Variants in SLC25A48 observed in about 807,000 individuals in gnomAD.
The protein encoded by SLC25A48 is solute carrier family 25 member 48, also known as CTC-321K16.1.
A neutral mutation model predicts 32.2 loss-of-function variants in SLC25A48; 29 were observed. That is an observed-to-expected ratio of 0.90 (90% CI 0.67 to 1.23). The LOEUF is 1.23. SLC25A48 is among the 50% of genes most tolerant of loss of function. The pLI is 0.00. For synonymous variants in SLC25A48, 164 were observed against 172.3 expected (o/e 0.95, Z 0.38); for missense variants, 399 against 422.7 (o/e 0.94, Z 0.49).
At chr5:135,704,145 A>G (rs1754455651) in intron 3 of SLC25A48, among the ~76,000 whole-genome samples, 1 of 152,224 alleles carries the variant, frequency 6.6e-6, no homozygotes, top group Non-Finnish European at 1.5e-5. Flanking sequence ...TGGGCGGCAG[A>G]GGCTCAGCGG....
In SLC25A48 at chr5:135,629,331, G is replaced by A. The variant is rs1320997375; in HGVS notation, c.-754G>A. 6.6e-6 allele frequency: 1 copy of A among 152,282 alleles called. No individual in the cohort carries two copies. The highest frequency in any genetic ancestry group is 1.5e-5 in the Non-Finnish European group (1 of 68,078). The allele number at this position is 152,282 out of a possible 1,614,324, so 9.4% of individuals were successfully genotyped here. On this transcript the variant is annotated 5_prime_UTR_variant, in exon 2 of 11. Transcript: ENST00000646290. The surrounding 1 kb of genome is among the most constrained non-coding windows in gnomAD (Gnocchi z 4.8). The stretch of plus-strand genomic sequence containing the variant: ...GGTTGGGAATGCAGAAAACAGGCAT[G>A]GAATGCCAGGAACGCAGCACCTGTG...
intron 3 of SLC25A48, among the ~76,000 whole-genome samples, chr5:135,772,864 T>G (rs7380182): frequency 0.15 from 22,132 of 151,386 alleles, 1,852 homozygotes; most frequent in South Asian, 0.2. Flanking sequence ...ATAATATTAC[T>G]TTCAATATTG....
chr5:135,697,301 G>T (rs144020146), intron 3 of SLC25A48, among the ~76,000 whole-genome samples: 78,227 of 151,700 alleles, frequency 0.52, 21,081 homozygotes, highest in South Asian at 0.61. Context: ...GCAACACAGA[G>T]GCTGCCCCTC....
chr5:135,861,541 G>A (rs1243346081), intron 4 of SLC25A48, among the ~76,000 whole-genome samples: 1 of 152,158 alleles, frequency 6.6e-6, no homozygotes. Context: ...TATACATGAA[G>A]ACCTCAGCAC....
At chr5:135,710,822 G>A (rs1214127745) in intron 3 of SLC25A48, among the ~76,000 whole-genome samples, 1 of 152,196 alleles carries the variant, frequency 6.6e-6, no homozygotes, top group African/African-American at 2.4e-5. Context: ...ATTTGTACAG[G>A]AGAGAAGAGT....
intron 2 of SLC25A48, among the ~76,000 whole-genome samples, chr5:135,844,287 C>A (rs1437292784): frequency 1.3e-5 from 2 of 152,202 alleles, no homozygotes; most frequent in Non-Finnish European, 2.9e-5. Flanking sequence ...GTGCCTGCTG[C>A]ATACCTCTCC....
chr5:135,844,989 T>C (rs1759291819), intron 2 of SLC25A48, among the ~76,000 whole-genome samples: 1 of 152,220 alleles, frequency 6.6e-6, no homozygotes, highest in African/African-American at 2.4e-5. Context: ...AGGGATTTAA[T>C]GGTAAAAATT....
intron 2 of SLC25A48, among the ~76,000 whole-genome samples, chr5:135,843,914 C>T (rs909537140): frequency 5.3e-5 from 8 of 152,134 alleles, no homozygotes; most frequent in African/African-American, 1.9e-4. Context: ...ACACCCAGGC[C>T]CTGGGTCCCA....
At chr5:135,853,186 G>A (rs142368841) in intron 4 of SLC25A48, among the ~76,000 whole-genome samples, 124 of 152,312 alleles carry the variant, frequency 8.1e-4, no homozygotes, top group Non-Finnish European at 5.3e-4. Flanking sequence ...TCAGCGAGTC[G>A]TAATCTTTCT....
chr5:135,835,637 G>C (rs1013857896), intron 1 of SLC25A48, among the ~76,000 whole-genome samples: 3 of 127,194 alleles, frequency 2.4e-5, no homozygotes, highest in African/African-American at 9.3e-5. Context: ...TCTTTTCTCA[G>C]CTATTAGGAA....
intron 4 of SLC25A48, among the ~76,000 whole-genome samples, chr5:135,821,179 A>G (rs1055141962): frequency 4.6e-5 from 7 of 152,214 alleles, no homozygotes; most frequent in Non-Finnish European, 1.0e-4. Flanking sequence ...GACACACCAC[A>G]TGGGAACTTC....
At chr5:135,871,785 G>T (rs1398479448) in intron 5 of SLC25A48, 67 bp downstream of exon 5, 1 of 1,592,354 alleles carries the variant, frequency 6.3e-7, no homozygotes, top group Non-Finnish European at 8.6e-7. Context: ...CTGGGGAACT[G>T]CCATGCCCTT....
At chr5:135,829,151 T>C (rs936790787) in intron 4 of SLC25A48, among the ~76,000 whole-genome samples, 1 of 152,176 alleles carries the variant, frequency 6.6e-6, no homozygotes, top group Non-Finnish European at 1.5e-5. Context: ...GAGTAGGCTG[T>C]CCCCAAACAC....
chr5:135,745,815 C>T (rs192836995), intron 3 of SLC25A48, among the ~76,000 whole-genome samples: 106 of 152,242 alleles, frequency 7.0e-4, no homozygotes, highest in African/African-American at 2.3e-3. Context: ...GTTGAATGAA[C>T]GGAAGAATCA....
intron 3 of SLC25A48, among the ~76,000 whole-genome samples, chr5:135,692,632 A>G (rs4288109): frequency 0.81 from 123,518 of 152,150 alleles, 50,362 homozygotes; most frequent in Middle Eastern, 0.9. Context: ...AAGTCACGGG[A>G]AAGGTAGGAA....
At chr5:135,858,393 G>A (rs1187879649) in intron 4 of SLC25A48, among the ~76,000 whole-genome samples, 4 of 152,220 alleles carry the variant, frequency 2.6e-5, no homozygotes, top group Non-Finnish European at 5.9e-5. Context: ...AAGATTGGAG[G>A]ACCCACCTCT....
At chr5:135,686,122 A>T (rs1561790460) in intron 3 of SLC25A48, among the ~76,000 whole-genome samples, 1 of 152,166 alleles carries the variant, frequency 6.6e-6, no homozygotes, top group African/African-American at 2.4e-5. Context: ...CTGGGTTCAA[A>T]TCTTCTCATC....
At chr5:135,752,424 T>C (rs1398859129) in intron 3 of SLC25A48, among the ~76,000 whole-genome samples, 3 of 152,016 alleles carry the variant, frequency 2.0e-5, no homozygotes, top group Non-Finnish European at 4.4e-5. Flanking sequence ...ATACAAAAAT[T>C]AGGAGTAATA....
At chr5:135,803,753 G>A (rs149917754) in intron 3 of SLC25A48, among the ~76,000 whole-genome samples, 339 of 151,382 alleles carry the variant, frequency 2.2e-3, no homozygotes, top group African/African-American at 7.7e-3. Context: ...ATAGGATATC[G>A]CCCTGTGTGT....
Sources: gnomAD v4.1 joint callset for allele counts (sites outside exome capture counted in the v4.1 genomes callset) on GRCh38, gnomAD v4.1.1 for gene constraint, Gnocchi (gnomAD v3.1) non-coding constraint, MANE v1.5 for transcripts, NCBI Gene and HGNC (gene_info 2026-07-23, HGNC 2026-07-21) for gene names.